Variants in AP3B1 observed in about 807,000 individuals in gnomAD.
AP3B1 encodes the protein adaptor related protein complex 3 subunit beta 1, also known as AP-3 complex subunit beta-1.
AP3B1 carries 61 observed loss-of-function variants against 132.5 expected under a neutral mutation model. The ratio of observed to expected loss-of-function variants is 0.46; its 90% confidence interval spans 0.37 to 0.57. AP3B1 has a LOEUF of 0.57. Ranked by LOEUF, AP3B1 falls within the 20% of genes least tolerant of loss-of-function variation. The probability of loss-of-function intolerance (pLI) is 0.00; values close to 1 mark genes in which losing one functional copy is unlikely to be tolerated. For synonymous variants in AP3B1, 388 were observed against 438.3 expected, an observed-to-expected ratio of 0.89 and a Z score of 1.43; for missense variants, 1,120 against 1,289.4, an observed-to-expected ratio of 0.87 and a Z score of 2.01.
At chr5:78,099,317 G>A (rs1751032686) in intron 21 of AP3B1, among the ~76,000 whole-genome samples, 1 of 152,170 alleles carries the variant, frequency 6.6e-6, no homozygotes, top group Admixed American at 6.5e-5. Flanking sequence ...TCTGAGTTGG[G>A]GAAGTAAGGA....
chr5:78,176,056 GT>G (rs1318670001), intron 9 of AP3B1, among the ~76,000 whole-genome samples: 1 of 152,104 alleles, frequency 6.6e-6, no homozygotes, highest in Non-Finnish European at 1.5e-5. Flanking sequence ...ATGAAGAATA[GT>G]TAAAACAAAT....
In AP3B1 at chr5:78,002,950, A is replaced by G. The variant is rs1192574805; in HGVS notation, c.3237T>C (p.Ile1079=). Residue 1079 remains isoleucine, a synonymous_variant, in exon 27 of 27, where the codon ATT becomes ATC. Coordinates refer to ENST00000255194, the MANE Select transcript of AP3B1 (RefSeq NM_003664.5). The part of the protein sequence containing the change: ...QLIINTEKTV[I]GSVLLRELKP... Reference sequence around the variant, plus strand: ...TCAGTTCCCGCAGCAGAACAGAGCCAATCACAGTTTTCTCAGTGTTTATGA... The same window carrying G: ...TCAGTTCCCGCAGCAGAACAGAGCCGATCACAGTTTTCTCAGTGTTTATGA... 6.2e-7 allele frequency: 1 copy of G among 1,614,204 alleles called. No homozygotes were observed. The highest frequency in any genetic ancestry group is 1.1e-5 in the South Asian group (1 of 91,086).
At chr5:78,163,218 G>C (rs1329637724) in intron 12 of AP3B1, among the ~76,000 whole-genome samples, 1 of 152,022 alleles carries the variant, frequency 6.6e-6, no homozygotes, top group Admixed American at 6.6e-5. Flanking sequence ...ACAGATAGTA[G>C]GAGCAGTCAC....
chr5:78,293,895 G>C (rs1406857767), intron 1 of AP3B1, among the ~76,000 whole-genome samples: 1 of 151,622 alleles, frequency 6.6e-6, no homozygotes, highest in Non-Finnish European at 1.5e-5. Context: ...ATTTTGGATT[G>C]GTGTTTTTGT....
chr5:78,141,252 G>A lies in AP3B1; in HGVS notation c.1541C>T (p.Ala514Val). 2 of 1,613,582 alleles carry A rather than the reference G, an allele frequency of 1.2e-6. No homozygotes were observed. The highest frequency in any genetic ancestry group is 1.7e-6 in the Non-Finnish European group (2 of 1,179,664). ...AGCCATCTTCCTCAAAACATCAGGG[G>A]CAATTTTAGGAACTCGTTCACAGTT... ...GENCERVPKI[A>V]PDVLRKMAKS... is the part of the protein sequence containing the mutation. Residue 514 changes from alanine (A) to valine (V), a missense_variant, in exon 15 of 27, where the codon GCC (alanine) becomes GTC (valine). Transcript: ENST00000255194.
intron 1 of AP3B1, among the ~76,000 whole-genome samples, chr5:78,290,349 A>T (rs1182374241): frequency 6.7e-6 from 1 of 148,820 alleles, no homozygotes; most frequent in Non-Finnish European, 1.5e-5. Flanking sequence ...GGCCTCCCAA[A>T]ATGCTAAGAT....
chr5:78,122,843 C>A (rs1402925486), intron 17 of AP3B1, among the ~76,000 whole-genome samples: 1 of 152,196 alleles, frequency 6.6e-6, no homozygotes, highest in African/African-American at 2.4e-5. Flanking sequence ...TTGGAAAAAA[C>A]TACTTTAAAG....
chr5:78,229,575 C>CA (rs70997973), intron 3 of AP3B1, among the ~76,000 whole-genome samples: 4,531 of 134,332 alleles, frequency 0.034, 292 homozygotes, highest in African/African-American at 0.12. Context: ...TCTAGTAAAA[C>CA]AAAAAAAAAA....
At chr5:78,094,126 C>T (rs1005541106) in intron 21 of AP3B1, among the ~76,000 whole-genome samples, 2 of 152,210 alleles carry the variant, frequency 1.3e-5, no homozygotes, top group Admixed American at 1.3e-4. Context: ...TATAAAAGAA[C>T]ACTAGAATAT....
intron 22 of AP3B1, among the ~76,000 whole-genome samples, chr5:78,081,775 A>T (rs1750019206): frequency 6.6e-6 from 1 of 152,214 alleles, no homozygotes; most frequent in African/African-American, 2.4e-5. Context: ...TCGGTAAGAC[A>T]CTGAAGGTAC....
At chr5:78,051,217 TCCC>T (rs1748568780) in intron 22 of AP3B1, among the ~76,000 whole-genome samples, 1 of 152,138 alleles carries the variant, frequency 6.6e-6, no homozygotes, top group Non-Finnish European at 1.5e-5. Flanking sequence ...AGCTGTTATC[TCCC>T]TAATAACAGA....
chr5:78,011,041 CTT>C (rs11301750), intron 26 of AP3B1, among the ~76,000 whole-genome samples: 16 of 129,350 alleles, frequency 1.2e-4, no homozygotes, highest in African/African-American at 2.7e-4. Flanking sequence ...CTGTATCTCT[CTT>C]TTTTTTTTTT....
chr5:78,258,841 C>T (rs1433079836), intron 2 of AP3B1, among the ~76,000 whole-genome samples: 3 of 152,252 alleles, frequency 2.0e-5, no homozygotes, highest in East Asian at 3.9e-4. Context: ...GGCAAATACA[C>T]AATGGAGTAC....
chr5:78,064,570 A>G (rs1014612407), intron 22 of AP3B1, among the ~76,000 whole-genome samples: 6 of 152,192 alleles, frequency 3.9e-5, no homozygotes, highest in Non-Finnish European at 8.8e-5. Context: ...GATAGCTGCT[A>G]AAGATGTGAG....
chr5:78,150,559 G>C (rs1395471929), intron 14 of AP3B1, among the ~76,000 whole-genome samples: 2 of 152,122 alleles, frequency 1.3e-5, no homozygotes, highest in East Asian at 1.9e-4. Context: ...CATGAAGATA[G>C]AATGACAAAC....
At chr5:78,254,283 T>A (rs899674182) in intron 2 of AP3B1, among the ~76,000 whole-genome samples, 1 of 152,090 alleles carries the variant, frequency 6.6e-6, no homozygotes, top group African/African-American at 2.4e-5. Flanking sequence ...TCGATGGCGG[T>A]AGAAAGTTTA....
At chr5:78,207,936 C>G (rs1397624499) in intron 7 of AP3B1, among the ~76,000 whole-genome samples, 1 of 152,034 alleles carries the variant, frequency 6.6e-6, no homozygotes, top group African/African-American at 2.4e-5. Flanking sequence ...ATCCAAGAGC[C>G]CAGGTAAAAT....
chr5:78,020,132 G>C (rs1346823046), intron 25 of AP3B1, among the ~76,000 whole-genome samples: 1 of 151,954 alleles, frequency 6.6e-6, no homozygotes, highest in Non-Finnish European at 1.5e-5. Context: ...TTCTTTTTAA[G>C]TACTTATTTT....
intron 7 of AP3B1, among the ~76,000 whole-genome samples, chr5:78,191,469 G>A (rs1744830463): frequency 6.6e-6 from 1 of 151,830 alleles, no homozygotes; most frequent in Non-Finnish European, 1.5e-5. Flanking sequence ...CAAAAGGTGA[G>A]GCCAGGATCC....
Sources: gnomAD v4.1 joint callset for allele counts (sites outside exome capture counted in the v4.1 genomes callset) on GRCh38, gnomAD v4.1.1 for gene constraint, MANE v1.5 for transcripts, NCBI Gene and HGNC (gene_info 2026-07-23, HGNC 2026-07-21) for gene names.